Variants in RBFOX3 observed in about 807,000 individuals in gnomAD.
RBFOX3 encodes the protein RNA binding protein fox-1 homolog 3.
Under a neutral mutation model 48.7 loss-of-function variants are expected in RBFOX3, and 17 were observed. The observed-to-expected ratio is 0.35, with a 90% CI of 0.24 to 0.52. The LOEUF (loss-of-function observed/expected upper bound fraction) is 0.52. RBFOX3 is among the 20% of genes least tolerant of loss of function. The probability of loss-of-function intolerance (pLI) is 0.94; values close to 1 mark genes in which losing one functional copy is unlikely to be tolerated. For synonymous variants in RBFOX3, 212 were observed against 209.5 expected (o/e 1.01, Z -0.10); for missense variants, 382 against 497.5 (o/e 0.77, Z 2.21).
intron 3 of RBFOX3, among the ~76,000 whole-genome samples, chr17:79,268,268 C>A (rs1465215865): frequency 6.6e-6 from 1 of 152,150 alleles, no homozygotes; most frequent in African/African-American, 2.4e-5. Context: ...GCCTCTGTAA[C>A]CGTCCCAGTG....
intron 4 of RBFOX3, among the ~76,000 whole-genome samples, chr17:79,184,185 TCCAA>T (rs1260508457): frequency 6.6e-6 from 1 of 152,052 alleles, no homozygotes; most frequent in East Asian, 1.9e-4. Context: ...GGCTTGGAAA[TCCAA>T]CCAGAGCCTC....
At chr17:79,387,402 C>CA (rs1405639039) in intron 2 of RBFOX3, among the ~76,000 whole-genome samples, 1 of 152,216 alleles carries the variant, frequency 6.6e-6, no homozygotes, top group African/African-American at 2.4e-5. Context: ...CTCTGGGGAA[C>CA]ACTCATCAGA....
intron 2 of RBFOX3, among the ~76,000 whole-genome samples, chr17:79,400,250 A>G (rs1375290810): frequency 6.6e-6 from 1 of 152,172 alleles, no homozygotes; most frequent in Non-Finnish European, 1.5e-5. Context: ...CCAAGGGGTC[A>G]GCAGGGCCAA....
chr17:79,150,880 G>A (rs951715802), intron 4 of RBFOX3, among the ~76,000 whole-genome samples: 5 of 152,220 alleles, frequency 3.3e-5, no homozygotes, highest in Non-Finnish European at 5.9e-5. Context: ...GCAATGGGAG[G>A]ACGAGGGCTT....
chr17:79,576,993 C>G (rs1394849162), intron 1 of RBFOX3, among the ~76,000 whole-genome samples: 2 of 152,106 alleles, frequency 1.3e-5, no homozygotes, highest in Non-Finnish European at 2.9e-5. Flanking sequence ...CCCCAAAACC[C>G]AGACCCCAAA....
chr17:79,352,172 A>AT (rs1357265786), intron 2 of RBFOX3, among the ~76,000 whole-genome samples: 1 of 152,122 alleles, frequency 6.6e-6, no homozygotes, highest in Non-Finnish European at 1.5e-5. Context: ...TTGAATTGTG[A>AT]TCCCAACTGT....
intron 1 of RBFOX3, among the ~76,000 whole-genome samples, chr17:79,560,912 G>A (rs2092170543): frequency 6.6e-6 from 1 of 152,174 alleles, no homozygotes; most frequent in Non-Finnish European, 1.5e-5. Context: ...GGAAACGGAA[G>A]CTCATGGGGA....
At chr17:79,512,504 G>A (rs1259069194) in intron 1 of RBFOX3, among the ~76,000 whole-genome samples, 26 of 139,692 alleles carry the variant, frequency 1.9e-4, no homozygotes, top group Admixed American at 1.3e-3. Context: ...ACAGCCCCAT[G>A]GCCAGGGGAC....
rs932406473 is a variant in RBFOX3, at chr17:79,368,206, C to T, written c.-174-60382G>A. Among the ~76,000 whole-genome samples, 8 of 152,172 alleles carry T rather than the reference C, an allele frequency of 5.3e-5. No individual in the cohort carries two copies. The East Asian group carries it at 9.6e-4, about 18-fold the overall frequency. The stretch of plus-strand genomic sequence containing the variant: ...GAACAACTTTTCCCCTCTCCACAGC[C>T]GTGCCCACGTCATTCTGCAGAAGGG... On this transcript the variant is annotated intron_variant, in intron 2 of 14. Transcript: ENST00000693108.
chr17:79,494,800 T>C (rs1598931886), intron 1 of RBFOX3, among the ~76,000 whole-genome samples: 1 of 152,148 alleles, frequency 6.6e-6, no homozygotes, highest in Non-Finnish European at 1.5e-5. Context: ...GAGGAGTATC[T>C]GTGGCCAGCG....
intron 1 of RBFOX3, among the ~76,000 whole-genome samples, chr17:79,491,748 A>C (rs797034200): frequency 9.5e-4 from 144 of 152,278 alleles, no homozygotes; most frequent in African/African-American, 3.2e-3. Flanking sequence ...TATTACCCAC[A>C]GTCTACTCTG....
intron 4 of RBFOX3, among the ~76,000 whole-genome samples, chr17:79,174,436 A>C (rs907029069): frequency 4.6e-5 from 7 of 151,598 alleles, no homozygotes; most frequent in Non-Finnish European, 2.9e-5. Flanking sequence ...ACACACACTG[A>C]CACAATGCAT....
chr17:79,630,344 G>A, the RBFOX3 span, among the ~76,000 whole-genome samples: 19 of 152,312 alleles, frequency 1.2e-4, no homozygotes, highest in Middle Eastern at 3.4e-3. Flanking sequence ...ACAAGTCATC[G>A]CTCAGTCAGG....
chr17:79,637,029 C>T, the RBFOX3 span, among the ~76,000 whole-genome samples: 2 of 152,074 alleles, frequency 1.3e-5, no homozygotes, highest in Non-Finnish European at 2.9e-5. Flanking sequence ...ATAAAATAGA[C>T]TTTAAGTCAA....
intron 1 of RBFOX3, among the ~76,000 whole-genome samples, chr17:79,512,389 C>T (rs868936674): frequency 8.1e-4 from 98 of 120,366 alleles, no homozygotes; most frequent in African/African-American, 2.7e-3. Flanking sequence ...ATGTTACCAT[C>T]GGGTACAGCC....
At chr17:79,293,337 C>T in intron 3 of RBFOX3, among the ~76,000 whole-genome samples, 1 of 149,734 alleles carries the variant, frequency 6.7e-6, no homozygotes, top group Non-Finnish European at 1.5e-5. Flanking sequence ...TCCCTGCCTC[C>T]CTCCCTTCCT....
rs145006307 is a variant in RBFOX3 at position 79,220,406 on chromosome 17, C to T, written c.-34+15360G>A. Among the ~76,000 whole-genome samples, 30 of 152,304 alleles carry T rather than the reference C, an allele frequency of 2.0e-4. No homozygotes were observed. Among genetic ancestry groups the T allele is most frequent in the African/African-American group, 7.2e-4 (30 of 41,566 alleles). On this transcript the variant is annotated intron_variant, in intron 4 of 14. Coordinates refer to ENST00000693108, the MANE Select transcript of RBFOX3 (RefSeq NM_001350451.2). The surrounding 1 kb of genome is among the most constrained non-coding windows in gnomAD (Gnocchi z 5.9). ...CCTGCTCACTCCAGGTCCTCTCTCC[C>T]TCTCCCTGTGTCTCTGCCTCTCGCT...
chr17:79,355,257 T>C (rs1227373086), intron 2 of RBFOX3, among the ~76,000 whole-genome samples: 1 of 152,216 alleles, frequency 6.6e-6, no homozygotes, highest in African/African-American at 2.4e-5. Flanking sequence ...AGGCTTTGGC[T>C]CTGAACAAGC....
chr17:79,242,671 A>T lies in RBFOX3; in HGVS notation c.-73-6866T>A, dbSNP rs1283015832. Among the ~76,000 whole-genome samples the T allele has an allele frequency of 6.6e-6, 1 of 152,048 alleles. No individual in the cohort carries two copies. Among genetic ancestry groups the T allele is most frequent in the Non-Finnish European group, 1.5e-5 (1 of 67,998 alleles). ...ATTAGGGAGACCGGGGAGTTCTGGC[A>T]GGTTCTGGCCATCACAGTAGTCCCT... is the stretch of plus-strand genomic sequence containing the variant. On this transcript the variant is annotated intron_variant, in intron 3 of 14. Transcript: ENST00000693108. The surrounding 1 kb of genome is among the most constrained non-coding windows in gnomAD (Gnocchi z 5.8).
Sources: gnomAD v4.1 joint callset for allele counts (sites outside exome capture counted in the v4.1 genomes callset) on GRCh38, gnomAD v4.1.1 for gene constraint, Gnocchi (gnomAD v3.1) non-coding constraint, MANE v1.5 for transcripts, NCBI Gene and HGNC (gene_info 2026-07-23, HGNC 2026-07-21) for gene names.